The following CHAF1A variants were observed in gnomAD, a reference collection of about 807,000 sequenced individuals.
The protein encoded by CHAF1A is CAF-1 subunit A.
CHAF1A carries 5 observed loss-of-function variants against 93.2 expected under a neutral mutation model. The observed-to-expected ratio is 0.05, with a 90% CI of 0.03 to 0.11. CHAF1A has a LOEUF of 0.11. Ranked by LOEUF, CHAF1A falls within the 10% of genes least tolerant of loss-of-function variation. CHAF1A has a pLI of 1.00. For missense variants in CHAF1A, 1,102 were observed against 1,259.9 expected, an observed-to-expected ratio of 0.87 and a Z score of 1.90; for synonymous variants, 504 against 510.3, an observed-to-expected ratio of 0.99 and a Z score of 0.17.
At chr19:4,405,735 T>G (rs1175636780) in intron 1 of CHAF1A, among the ~76,000 whole-genome samples, 177 bp from the exon 2 acceptor site, 1 of 151,852 alleles carries the variant, frequency 6.6e-6, no homozygotes, top group Non-Finnish European at 1.5e-5. Context: ...TAGCATCCCT[T>G]TGAGCCCTCC....
chr19:4,430,708 C>G (rs988897112), intron 11 of CHAF1A, 67 bp downstream of exon 11: 47 of 1,564,102 alleles, frequency 3.0e-5, no homozygotes, highest in Non-Finnish European at 4.1e-5. Flanking sequence ...GCTCAGTGGC[C>G]TGACCTGGGA....
At chr19:4,445,865 A>G (rs1974499907), downstream of CHAF1A, 1 of 1,081,688 alleles carries the variant, frequency 9.2e-7, no homozygotes, top group Admixed American at 2.8e-5. Context: ...TGAGGCGTGG[A>G]GTAGTTATGA....
intron 7 of CHAF1A, among the ~76,000 whole-genome samples, chr19:4,427,880 G>A (rs374453615): frequency 9.9e-5 from 15 of 151,072 alleles, no homozygotes; most frequent in East Asian, 9.9e-4. Flanking sequence ...GAGCCACCGC[G>A]CCTGGCCTAA....
chr19:4,448,172 G>A (rs1974577678), downstream of CHAF1A: 1 of 707,550 alleles, frequency 1.4e-6, no homozygotes, highest in Admixed American at 2.4e-5. Flanking sequence ...GAGGCCTCTG[G>A]GTGGAGCTGC....
At chr19:4,445,502 A>G (rs1199183364), downstream of CHAF1A, 2 of 1,613,746 alleles carry the variant, frequency 1.2e-6, no homozygotes, top group South Asian at 1.1e-5. Context: ...TTTATTTCAC[A>G]AGAGCTTCTC....
the CHAF1A span, chr19:4,450,333 C>A: frequency 0.36 from 53,959 of 151,288 alleles, 9,953 homozygotes; most frequent in Non-Finnish European, 0.42. Flanking sequence ...TGAACTAAAA[C>A]TGACACATTT....
intron 13 of CHAF1A, among the ~76,000 whole-genome samples, chr19:4,440,139 A>G (rs1416594146): frequency 2.6e-5 from 4 of 152,200 alleles, no homozygotes; most frequent in African/African-American, 9.6e-5. Context: ...TTGTAGAGGA[A>G]GAATTCCTGG....
intron 7 of CHAF1A, among the ~76,000 whole-genome samples, chr19:4,424,221 C>CA (rs1240451924): frequency 6.6e-6 from 1 of 152,204 alleles, no homozygotes; most frequent in African/African-American, 2.4e-5. Flanking sequence ...GTACAATTCA[C>CA]AAAGGTTTAC....
chr19:4,433,543 AGGT>A lies in CHAF1A; in HGVS notation c.2673+7_2673+9del, dbSNP rs780713983. ...GAAGCGCAGGCACGACGGCCAGGTG[AGGT>A]GGGGTGGGCAGGTGGGGGCCTCTGC... On this transcript the variant is annotated splice_donor_5th_base_variant and intron_variant, in intron 13 of 14. Transcript: ENST00000301280. The surrounding 1 kb of genome is among the most constrained non-coding windows in gnomAD (Gnocchi z 5.6). 1.5e-5 allele frequency: 24 copies of A among 1,565,406 alleles called. No homozygotes were observed. Among genetic ancestry groups the A allele is most frequent in the Non-Finnish European group, 2.0e-5 (23 of 1,147,802 alleles).
chr19:4,420,189 G>A (rs1473789517), intron 4 of CHAF1A, among the ~76,000 whole-genome samples: 1 of 152,154 alleles, frequency 6.6e-6, no homozygotes, highest in Non-Finnish European at 1.5e-5. Flanking sequence ...TATTGGATGA[G>A]AGGTGGTCCT....
intron 6 of CHAF1A, 105 bp from the exon 7 acceptor site, chr19:4,423,701 A>G: frequency 8.5e-7 from 1 of 1,175,124 alleles, no homozygotes; most frequent in South Asian, 1.3e-5. Flanking sequence ...TAGTGCCTTC[A>G]AGCTAAAATG....
intron 12 of CHAF1A, among the ~76,000 whole-genome samples, chr19:4,432,612 T>C (rs1974205699): frequency 6.6e-6 from 1 of 151,708 alleles, no homozygotes; most frequent in Admixed American, 6.6e-5. Context: ...AATGCAAAAT[T>C]ACCTGGGTGT....
chr19:4,432,975 C>T (rs541116146), intron 12 of CHAF1A, 95 bp from the exon 13 acceptor site: 3 of 1,028,360 alleles, frequency 2.9e-6, no homozygotes, highest in Admixed American at 2.7e-5. Flanking sequence ...CCCCAAGCCT[C>T]GGTGGCAATG....
intron 3 of CHAF1A, among the ~76,000 whole-genome samples, chr19:4,410,314 G>A (rs1238374145): frequency 6.6e-6 from 1 of 151,938 alleles, no homozygotes; most frequent in African/African-American, 2.4e-5. Context: ...AGGCCGAGGT[G>A]GGAGGATCGC....
downstream of CHAF1A, among the ~76,000 whole-genome samples, chr19:4,444,338 A>G (rs1046801130): frequency 6.6e-6 from 1 of 152,054 alleles, no homozygotes; most frequent in Non-Finnish European, 1.5e-5. Context: ...ACTGCAGGGC[A>G]GAGTCCCTGT....
rs563250955 is a variant in CHAF1A at position 4,429,308 on chromosome 19, G to A, written c.1605-130G>A. 13 of 1,030,946 alleles carry A rather than the reference G, an allele frequency of 1.3e-5. No homozygotes were observed. In the South Asian group the frequency reaches 2.1e-4, roughly 17 times the overall value. 63.9% of individuals were successfully genotyped at this position (1,030,946 alleles called of 1,614,324 possible). ...GTTCCTGACCTTTCTTTGGGGACAG[G>A]CAGTGCTGCTTTTTAACAAATGCCC... On this transcript the variant is annotated intron_variant, in intron 8 of 14. Transcript: ENST00000301280.
chr19:4,403,509 G>A lies in CHAF1A; in HGVS notation c.52+695G>A, dbSNP rs568514307. Among the ~76,000 whole-genome samples, 18 of 152,392 alleles carry A rather than the reference G, an allele frequency of 1.2e-4. No individual in the cohort carries two copies. The East Asian group carries it at 3.5e-3, about 29-fold the overall frequency. ...TGGCATTACGCTTTGGCACATAGTA[G>A]GTGCTCAGTAAATAACGTGAACGAA... On this transcript the variant is annotated intron_variant, in intron 1 of 14. Coordinates refer to ENST00000301280, the MANE Select transcript of CHAF1A (RefSeq NM_005483.3).
At chr19:4,423,307 G>A (rs765819267) in intron 5 of CHAF1A, 28 bp from the exon 6 acceptor site, 15 of 1,613,554 alleles carry the variant, frequency 9.3e-6, no homozygotes, top group East Asian at 6.7e-5. Flanking sequence ...GCAAAGAGTC[G>A]GCTGAAATGT....
intron 7 of CHAF1A, among the ~76,000 whole-genome samples, chr19:4,426,446 G>T (rs1226240056): frequency 6.6e-6 from 1 of 151,958 alleles, no homozygotes; most frequent in African/African-American, 2.4e-5. Flanking sequence ...GGGATTACAG[G>T]TGTGAGCCAC....
Sources: allele counts gnomAD v4.1 joint callset (sites outside exome capture counted in the v4.1 genomes callset), GRCh38; gene constraint gnomAD v4.1.1; non-coding constraint Gnocchi (gnomAD v3.1); transcripts MANE v1.5; gene names NCBI Gene and HGNC (gene_info 2026-07-23, HGNC 2026-07-21).